WHAMM: variants seen among roughly 807,000 people sequenced by gnomAD.
WHAMM encodes WASP homolog-associated protein with actin, membranes and microtubules.
In WHAMM, 67 loss-of-function variants were observed where a neutral mutation model predicts 76.5. The ratio of observed to expected loss-of-function variants is 0.88; its 90% CI spans 0.72 to 1.07. The LOEUF (loss-of-function observed/expected upper bound fraction) is 1.07, where lower values mean the gene tolerates loss of function less well. WHAMM is among the 50% of genes least tolerant of loss of function. WHAMM has a pLI of 0.00. For missense variants in WHAMM, 1,021 were observed against 1,051.1 expected (o/e 0.97, Z 0.40); for synonymous variants, 419 against 422.1 (o/e 0.99, Z 0.09).
At chr15:82,832,574 AAAGT>A (rs1383886162) in intron 9 of WHAMM, among the ~76,000 whole-genome samples, 1 of 152,228 alleles carries the variant, frequency 6.6e-6, no homozygotes, top group Non-Finnish European at 1.5e-5. Context: ...CCTCAAAAAT[AAAGT>A]ATGTAAGCCA....
At chr15:82,819,693 C>A (rs1201704592) in intron 5 of WHAMM, among the ~76,000 whole-genome samples, 1 of 152,210 alleles carries the variant, frequency 6.6e-6, no homozygotes, top group Admixed American at 6.5e-5. Flanking sequence ...ATCCCATCAT[C>A]TAGAGATGCT....
At chr15:82,823,420 G>A (rs1369338015) in intron 6 of WHAMM, 133 bp downstream of exon 6, 3 of 742,844 alleles carry the variant, frequency 4.0e-6, no homozygotes, top group Non-Finnish European at 3.8e-6. Flanking sequence ...ACTTATCCAT[G>A]GCTATAGTTA....
chr15:82,815,127 A>G (rs1444773643), intron 2 of WHAMM, among the ~76,000 whole-genome samples: 1 of 26,628 alleles, frequency 3.8e-5, no homozygotes, highest in African/African-American at 2.2e-4. Flanking sequence ...ATATATATAT[A>G]TATATATATA....
rs55807384 is a variant in WHAMM at position 82,815,155 on chromosome 15, A to ATATATATAAATAAT, written c.784-1537_784-1536insTATATATAAATAAT. Among the ~76,000 whole-genome samples, 24 of 46,128 alleles carry ATATATATAAATAAT rather than the reference A, an allele frequency of 5.2e-4. 2 individuals carry two copies. Among genetic ancestry groups the ATATATATAAATAAT allele is most frequent in the African/African-American group, 2.1e-3 (23 of 10,992 alleles). The allele number at this position is 46,128 out of a possible 152,430, so 30.3% of individuals were successfully genotyped here. ...TATATATATATATATATATATATAT[A>ATATATATAAATAAT]GTACAATTCAGTGATTTTTAGTATA... On this transcript the variant is annotated intron_variant, in intron 2 of 9. Transcript: ENST00000286760.
intron 5 of WHAMM, among the ~76,000 whole-genome samples, chr15:82,820,785 C>G (rs557623410): frequency 6.6e-6 from 1 of 151,788 alleles, no homozygotes; most frequent in Non-Finnish European, 1.5e-5. Context: ...ATCCCAGCTA[C>G]CTGTGAGGCT....
intron 5 of WHAMM, among the ~76,000 whole-genome samples, chr15:82,821,095 T>G (rs1357202622): frequency 6.6e-6 from 1 of 152,212 alleles, no homozygotes; most frequent in South Asian, 2.1e-4. Context: ...TTTGTACTTA[T>G]TTTATGAAAT....
intron 5 of WHAMM, 66 bp from the exon 6 acceptor site, chr15:82,823,034 A>T: frequency 8.2e-7 from 1 of 1,226,830 alleles, no homozygotes; most frequent in Non-Finnish European, 1.0e-6. Context: ...TCTTACATTT[A>T]AAAAAATTCA....
At chr15:82,815,786 G>A (rs7179000) in intron 2 of WHAMM, among the ~76,000 whole-genome samples, 11,244 of 152,200 alleles carry the variant, frequency 0.074, 591 homozygotes, top group Middle Eastern at 0.12. Context: ...ATCTCGTTAT[G>A]GTTTTGATTT....
intron 5 of WHAMM, 79 bp downstream of exon 5, chr15:82,819,567 G>A (rs1340927833): frequency 1.4e-5 from 11 of 770,742 alleles, no homozygotes; most frequent in South Asian, 2.4e-5. Context: ...ATTACTTTTT[G>A]TAAATTATAA....
chr15:82,831,456 C>T (rs1438210065), intron 9 of WHAMM, among the ~76,000 whole-genome samples: 1 of 152,196 alleles, frequency 6.6e-6, no homozygotes, highest in African/African-American at 2.4e-5. Flanking sequence ...ACTCTTGCAT[C>T]TCTGAGTCCT....
intron 5 of WHAMM, among the ~76,000 whole-genome samples, chr15:82,822,436 T>A (rs1026853157): frequency 4.6e-5 from 7 of 152,230 alleles, no homozygotes; most frequent in African/African-American, 1.2e-4. Context: ...TTTATCTTTT[T>A]AAATTTTTTT....
At chr15:82,811,422 T>TTC in intron 1 of WHAMM, among the ~76,000 whole-genome samples, 1 of 152,336 alleles carries the variant, frequency 6.6e-6, no homozygotes, top group East Asian at 1.9e-4. Flanking sequence ...CAGAGATAGG[T>TTC]GGTTTCTCCT....
rs1410054662 is a variant in WHAMM, at chr15:82,830,965, A to G, written c.2008A>G (p.Thr670Ala). The G allele has an allele frequency of 3.7e-6, 6 of 1,606,626 alleles. No homozygotes were observed. The highest frequency in any genetic ancestry group is 4.5e-5 in the East Asian group (2 of 44,626). ...RALSSSSQAATHQNLGFRAPV... is the reference protein window; with the variant it reads ...RALSSSSQAAAHQNLGFRAPV... ...TCTGTCCTCATCCTCTCAAGCTGCA[A>G]CTCATCAGAACTTAGGCTTCCGGGC... is the stretch of plus-strand genomic sequence containing the variant. Residue 670 changes from threonine (T) to alanine (A), a missense_variant, in exon 9 of 10, where the codon ACT becomes GCT. Transcript: ENST00000286760.
rs1168147260 is a variant in WHAMM at position 82,822,884 on chromosome 15, T to C, written c.1271-216T>C. ...TGTATGTATACATGCATACACTACATGGATATACACACATGCTACTTACAT... is the reference window on the plus strand; with the variant it reads ...TGTATGTATACATGCATACACTACACGGATATACACACATGCTACTTACAT... On this transcript the variant is annotated intron_variant, in intron 5 of 9. Coordinates refer to ENST00000286760, the MANE Select transcript of WHAMM (RefSeq NM_001080435.3). Among the ~76,000 whole-genome samples the C allele has an allele frequency of 2.0e-5, 3 of 150,402 alleles. No individual in the cohort carries two copies. The East Asian group carries it at 5.9e-4, about 30-fold the overall frequency.
chr15:82,824,214 A>G (rs910347520), intron 6 of WHAMM, among the ~76,000 whole-genome samples: 5 of 133,268 alleles, frequency 3.8e-5, no homozygotes, highest in South Asian at 2.4e-4. Flanking sequence ...CTGGAGTGCA[A>G]TGGCGCAATC....
intron 6 of WHAMM, among the ~76,000 whole-genome samples, chr15:82,824,568 G>A (rs1311294795): frequency 2.0e-5 from 3 of 152,022 alleles, no homozygotes; most frequent in Admixed American, 6.5e-5. Flanking sequence ...TGATCCACCC[G>A]CCTTGGCCTC....
chr15:82,830,916 G>GCCCCCA lies in WHAMM; in HGVS notation c.1965_1970dup (p.Pro657_Pro658dup). 37 of 1,025,396 alleles carry GCCCCCA rather than the reference G, an allele frequency of 3.6e-5. 1 individual carries two copies. The highest frequency in any genetic ancestry group is 5.0e-5 in the Non-Finnish European group (37 of 741,632). 63.5% of individuals were successfully genotyped at this position (1,025,396 alleles called of 1,614,324 possible). A position where few individuals can be genotyped will look rare whatever the true frequency, so the allele number is the denominator to read the frequency against. On this transcript the variant is annotated inframe_insertion, in exon 9 of 10. Transcript: ENST00000286760. ...CACCACCACCACCGCCGCCACCGCC[G>GCCCCCA]CCCCCACCCCCTCCTCTCCGTGCTC...
rs1412491272 is a variant in WHAMM at position 82,809,905 on chromosome 15, G to C, written c.179G>C (p.Arg60Pro). Residue 60 changes from arginine (R) to proline (P), a missense_variant, in exon 1 of 10, where the codon CGG becomes CCG. By Grantham distance (103) the Arg-to-Pro change is moderately radical. This residue lies in a region of WHAMM where 501 missense variants were observed against 524.9 expected (regional missense o/e 0.95). Transcript: ENST00000286760. Reference sequence around the variant, plus strand: ...CAGCGGCGGCTGCGCGAGGGGGCCCGGTTGGGGCCCGAGCCCGAGCCCAAG... The same window carrying C: ...CAGCGGCGGCTGCGCGAGGGGGCCCCGTTGGGGCCCGAGCCCGAGCCCAAG... ...AQQRRLREGA[R>P]LGPEPEPKPE... 2.0e-6 allele frequency: 3 copies of C among 1,538,118 alleles called. No homozygotes were observed. Among genetic ancestry groups the C allele is most frequent in the Non-Finnish European group, 2.6e-6 (3 of 1,139,688 alleles).
At chr15:82,823,700 G>T (rs1253262934) in intron 6 of WHAMM, among the ~76,000 whole-genome samples, 3 of 152,078 alleles carry the variant, frequency 2.0e-5, no homozygotes, top group Non-Finnish European at 4.4e-5. Context: ...CAAGTAGCTG[G>T]GTTTACAGGC....
Sources: gnomAD v4.1 joint callset for allele counts (sites outside exome capture counted in the v4.1 genomes callset) on GRCh38, gnomAD v4.1.1 for gene constraint, gnomAD v4.1.1 regional missense constraint, MANE v1.5 for transcripts, NCBI Gene and HGNC (gene_info 2026-07-23, HGNC 2026-07-21) for gene names.